ZC3H12B: variants seen among roughly 807,000 people sequenced by gnomAD.
ZC3H12B encodes the protein zinc finger CCCH-type containing 12B, also known as probable ribonuclease ZC3H12B.
ZC3H12B carries 7 observed loss-of-function variants against 43.9 expected under a neutral mutation model. That is an observed-to-expected ratio of 0.16 (90% confidence interval 0.09 to 0.30). The LOEUF is 0.30. Among genes scored for constraint, ZC3H12B ranks in the 10% least tolerant of loss-of-function variants. ZC3H12B has a pLI of 1.00. For synonymous variants in ZC3H12B, 222 were observed against 241.7 expected, an observed-to-expected ratio of 0.92 and a Z score of 0.76; for missense variants, 475 against 670.2, an observed-to-expected ratio of 0.71 and a Z score of 3.22.
chrX:65,103,625 G>A, the ZC3H12B span, among the ~76,000 whole-genome samples: 1 of 111,743 alleles, frequency 8.9e-6, no homozygotes, highest in Admixed American at 9.5e-5. Flanking sequence ...AGAGATTGCA[G>A]TAAAGACAGG....
the ZC3H12B span, among the ~76,000 whole-genome samples, chrX:65,166,069 A>C: frequency 9.0e-6 from 1 of 110,635 alleles, no homozygotes; most frequent in African/African-American, 3.3e-5. Context: ...ATTATACTTT[A>C]AGTTCTAGGG....
the ZC3H12B span, among the ~76,000 whole-genome samples, chrX:65,252,061 T>C: frequency 1.9e-4 from 21 of 112,072 alleles, no homozygotes; most frequent in South Asian, 7.5e-4. Context: ...AGTATGATAT[T>C]GGCTGTGGGT....
At chrX:65,128,062 T>C in the ZC3H12B span, among the ~76,000 whole-genome samples, 1 of 111,913 alleles carries the variant, frequency 8.9e-6, no homozygotes, top group East Asian at 2.8e-4. Flanking sequence ...TTTCCTGTTA[T>C]GCTTCTGTGG....
chrX:65,149,782 TA>T, the ZC3H12B span, among the ~76,000 whole-genome samples: 1 of 97,098 alleles, frequency 1.0e-5, no homozygotes, highest in Non-Finnish European at 2.0e-5. Flanking sequence ...ATAATAATAA[TA>T]ATAATAATAA....
the ZC3H12B span, among the ~76,000 whole-genome samples, chrX:65,124,569 C>T: frequency 9.0e-6 from 1 of 110,777 alleles, no homozygotes. Context: ...GTTATCAGTT[C>T]TCCATTGAAT....
chrX:65,354,089 A>C, the ZC3H12B span, among the ~76,000 whole-genome samples: 1 of 111,730 alleles, frequency 9.0e-6, no homozygotes, highest in African/African-American at 3.3e-5. Context: ...AGAGCACCAG[A>C]TCTCCCAGCA....
chrX:65,229,384 C>A, the ZC3H12B span, among the ~76,000 whole-genome samples: 1 of 108,759 alleles, frequency 9.2e-6, no homozygotes, highest in South Asian at 4.0e-4. Context: ...AAAATCAATT[C>A]AAGATGGATT....
the ZC3H12B span, among the ~76,000 whole-genome samples, chrX:65,194,416 AAATT>A: frequency 9.1e-6 from 1 of 110,350 alleles, no homozygotes. Context: ...AAAAAAATAA[AAATT>A]TATTTATTGA....
chrX:65,202,446 G>A, the ZC3H12B span, among the ~76,000 whole-genome samples: 4 of 108,984 alleles, frequency 3.7e-5, no homozygotes, highest in Non-Finnish European at 5.7e-5. Flanking sequence ...CAGCATAAGT[G>A]GGCACTCAAA....
At chrX:65,315,058 G>C in the ZC3H12B span, among the ~76,000 whole-genome samples, 1 of 110,738 alleles carries the variant, frequency 9.0e-6, no homozygotes, top group Non-Finnish European at 1.9e-5. Context: ...TCCAAAAGAA[G>C]TTCTTAAAAC....
intron 3 of ZC3H12B, among the ~76,000 whole-genome samples, chrX:65,400,228 GC>G (rs1423109559): frequency 9.0e-6 from 1 of 111,612 alleles, no homozygotes; most frequent in African/African-American, 3.2e-5. Context: ...TTGTTATTTT[GC>G]CAAAATATGA....
chrX:65,100,516 A>T, the ZC3H12B span, among the ~76,000 whole-genome samples: 2 of 96,554 alleles, frequency 2.1e-5, no homozygotes, highest in Non-Finnish European at 4.1e-5. Flanking sequence ...AGAGACATAC[A>T]TAGGCTCAAA....
At chrX:65,216,123 A>G in the ZC3H12B span, among the ~76,000 whole-genome samples, 15 of 111,837 alleles carry the variant, frequency 1.3e-4, no homozygotes, top group African/African-American at 4.9e-4. Context: ...ATTGAATTAA[A>G]CAACTATATA....
chrX:65,253,784 G>T, the ZC3H12B span, among the ~76,000 whole-genome samples: 1 of 111,850 alleles, frequency 8.9e-6, no homozygotes, highest in South Asian at 3.7e-4. Flanking sequence ...CAGCAGAGTG[G>T]CCCACACAGA....
At chrX:65,247,215 A>G in the ZC3H12B span, among the ~76,000 whole-genome samples, 1 of 112,411 alleles carries the variant, frequency 8.9e-6, no homozygotes, top group Non-Finnish European at 1.9e-5. Context: ...CAGAATGACT[A>G]TTATTAAAAA....
At chrX:65,441,062 T>G (rs1018250608) in intron 3 of ZC3H12B, among the ~76,000 whole-genome samples, 10 of 112,420 alleles carry the variant, frequency 8.9e-5, no homozygotes, top group Non-Finnish European at 1.7e-4. Context: ...CTTGCAAATT[T>G]TTTTCTAGTC....
At chrX:65,185,986 G>A in the ZC3H12B span, 2 of 111,455 alleles carry the variant, frequency 1.8e-5, no homozygotes, top group Non-Finnish European at 3.8e-5. Context: ...ACAAATTAAA[G>A]TTTAACAGTA....
At chrX:65,119,771 T>G in the ZC3H12B span, among the ~76,000 whole-genome samples, 2 of 112,228 alleles carry the variant, frequency 1.8e-5, no homozygotes, top group African/African-American at 6.5e-5. Context: ...AGGATTTTTA[T>G]GGTTTTAGGT....
At chrX:65,364,353 G>A (rs746841712), upstream of ZC3H12B, among the ~76,000 whole-genome samples, 2 of 105,063 alleles carry the variant, frequency 1.9e-5, no homozygotes, top group East Asian at 3.0e-4. Context: ...CTACACAAGG[G>A]TCCTCCATCA....
Sources: allele counts gnomAD v4.1 joint callset (sites outside exome capture counted in the v4.1 genomes callset), GRCh38; gene constraint gnomAD v4.1.1; transcripts MANE v1.5; gene names NCBI Gene and HGNC (gene_info 2026-07-23, HGNC 2026-07-21).